Variants in NACC2 observed in about 807,000 individuals in gnomAD.
The protein encoded by NACC2 is NACC family member 2.
Under a neutral mutation model 25.1 loss-of-function variants are expected in NACC2, and 8 were observed. The observed-to-expected ratio is 0.32, with a 90% CI of 0.19 to 0.57. The LOEUF is 0.57. Among genes scored for constraint, NACC2 ranks in the 20% least tolerant of loss-of-function variants. The pLI is 0.89. For synonymous variants in NACC2, 435 were observed against 294.7 expected (o/e 1.48, Z -4.88); for missense variants, 644 against 650.2 (o/e 0.99, Z 0.10).
intron 1 of NACC2, among the ~76,000 whole-genome samples, chr9:136,057,301 G>A (rs1279897194): frequency 1.3e-5 from 2 of 152,174 alleles, no homozygotes; most frequent in Non-Finnish European, 2.9e-5. Context: ...TATGGGTAAG[G>A]ACTTGGGGGA....
At chr9:136,044,549 A>G (rs1312366463) in intron 2 of NACC2, among the ~76,000 whole-genome samples, 1 of 152,080 alleles carries the variant, frequency 6.6e-6, no homozygotes, top group Middle Eastern at 3.2e-3. Flanking sequence ...CAGGCCAGAG[A>G]TGAAGGCACC....
intron 5 of NACC2, 125 bp from the exon 6 acceptor site, chr9:136,012,149 C>T (rs936861671): frequency 1.6e-6 from 2 of 1,217,068 alleles, no homozygotes; most frequent in African/African-American, 1.6e-5. Flanking sequence ...CATGTGACCA[C>T]CTGGGGCTCT....
At chr9:136,015,850 C>T (rs535661555) in intron 3 of NACC2, among the ~76,000 whole-genome samples, 3 of 152,224 alleles carry the variant, frequency 2.0e-5, no homozygotes, top group South Asian at 2.1e-4. Flanking sequence ...CCGGCCCCCA[C>T]GGGCTTCTGG....
At chr9:136,014,541 G>C (rs774331806) in intron 3 of NACC2, among the ~76,000 whole-genome samples, 1 of 152,100 alleles carries the variant, frequency 6.6e-6, no homozygotes, top group Non-Finnish European at 1.5e-5. Flanking sequence ...TTCCCACTTC[G>C]GCCTCCCAAA....
At chr9:136,050,685 G>T (rs1008467163) in intron 1 of NACC2, 105 bp from the exon 2 acceptor site, 281 of 635,906 alleles carry the variant, frequency 4.4e-4, no homozygotes, top group African/African-American at 4.3e-3. Flanking sequence ...TACAAAGAGC[G>T]AGCCTTCCGC....
intron 1 of NACC2, among the ~76,000 whole-genome samples, chr9:136,057,583 T>C (rs771851191): frequency 5.9e-5 from 9 of 152,236 alleles, no homozygotes; most frequent in East Asian, 1.9e-4. Flanking sequence ...AACGTAAGCT[T>C]GAAGAGCGTC....
intron 2 of NACC2, among the ~76,000 whole-genome samples, chr9:136,049,142 G>C (rs1840774796): frequency 1.3e-5 from 2 of 152,256 alleles, no homozygotes; most frequent in African/African-American, 4.8e-5. Context: ...ACGGAGAGGA[G>C]GGGGAGCGAC....
chr9:136,090,120 G>A (rs1320982429), intron 1 of NACC2, among the ~76,000 whole-genome samples: 1 of 152,234 alleles, frequency 6.6e-6, no homozygotes, highest in Non-Finnish European at 1.5e-5. Context: ...CAGCACAAAA[G>A]TCAAGAATTC....
chr9:136,024,371 GGTGT>G (rs1198303526), intron 2 of NACC2, among the ~76,000 whole-genome samples: 3 of 110,966 alleles, frequency 2.7e-5, no homozygotes, highest in East Asian at 5.6e-4. Flanking sequence ...GAGGACAGAA[GGTGT>G]GTGTGTGAGG....
chr9:136,014,719 G>A (rs977564126), intron 3 of NACC2, among the ~76,000 whole-genome samples: 2 of 152,206 alleles, frequency 1.3e-5, no homozygotes, highest in African/African-American at 4.8e-5. Flanking sequence ...TCCCCTGGCT[G>A]GAGGGTATGG....
intron 2 of NACC2, among the ~76,000 whole-genome samples, chr9:136,033,846 C>G (rs1349733195): frequency 6.6e-6 from 1 of 151,586 alleles, no homozygotes; most frequent in Non-Finnish European, 1.5e-5. Flanking sequence ...TGTCAGGTCA[C>G]CCCGCATCAG....
At chr9:136,064,192 G>GA (rs1166249658) in intron 1 of NACC2, among the ~76,000 whole-genome samples, 1 of 86,782 alleles carries the variant, frequency 1.2e-5, no homozygotes, top group Non-Finnish European at 3.6e-5. Context: ...AGGAGGCTGA[G>GA]GGGGGAGAAT....
intron 1 of NACC2, among the ~76,000 whole-genome samples, chr9:136,072,187 G>A (rs758440247): frequency 7.9e-5 from 12 of 151,898 alleles, no homozygotes; most frequent in South Asian, 2.1e-4. Context: ...GCAGTTAGCC[G>A]AGATCGTGCC....
intron 1 of NACC2, among the ~76,000 whole-genome samples, chr9:136,054,946 G>C (rs1293035772): frequency 6.6e-6 from 1 of 152,118 alleles, no homozygotes; most frequent in Non-Finnish European, 1.5e-5. Context: ...TCCACTCCCT[G>C]CAGCTGTGCC....
intron 1 of NACC2, among the ~76,000 whole-genome samples, chr9:136,056,339 C>T (rs542842438): frequency 1.5e-4 from 23 of 152,216 alleles, no homozygotes; most frequent in Non-Finnish European, 2.8e-4. Context: ...CCAGGAACTC[C>T]CCCCAACCCC....
intron 2 of NACC2, 27 bp downstream of exon 2, chr9:136,049,609 G>C (rs1840784371): frequency 1.3e-6 from 1 of 764,050 alleles, no homozygotes; most frequent in African/African-American, 1.7e-5. Flanking sequence ...CAGCCAGGTG[G>C]TGTGGGGCTC....
chr9:136,066,538 G>A (rs936591497), intron 1 of NACC2, among the ~76,000 whole-genome samples: 1 of 152,166 alleles, frequency 6.6e-6, no homozygotes, highest in African/African-American at 2.4e-5. Flanking sequence ...TAGCGATCGG[G>A]AATGCAAAAT....
intron 2 of NACC2, among the ~76,000 whole-genome samples, chr9:136,032,422 T>C (rs558029714): frequency 2.0e-5 from 3 of 152,298 alleles, no homozygotes; most frequent in African/African-American, 7.2e-5. Context: ...GAAATAAATT[T>C]CCTTAATCTG....
At chr9:136,034,600 G>A (rs1451000894) in intron 2 of NACC2, among the ~76,000 whole-genome samples, 1 of 151,732 alleles carries the variant, frequency 6.6e-6, no homozygotes, top group African/African-American at 2.4e-5. Flanking sequence ...CTAGGGCTAG[G>A]AACCAGAAAG....
Sources: allele counts gnomAD v4.1 joint callset (sites outside exome capture counted in the v4.1 genomes callset), GRCh38; gene constraint gnomAD v4.1.1; transcripts MANE v1.5; gene names NCBI Gene and HGNC (gene_info 2026-07-23, HGNC 2026-07-21).